RNF180: variants seen among roughly 807,000 people sequenced by gnomAD.
RNF180 encodes the protein ring finger protein 180.
In RNF180, 38 loss-of-function variants were observed where a neutral mutation model predicts 59.2. The observed-to-expected ratio is 0.64, with a 90% CI of 0.50 to 0.84. The LOEUF (loss-of-function observed/expected upper bound fraction) is 0.84, where lower values mean the gene tolerates loss of function less well. Ranked by LOEUF, RNF180 falls within the 40% of genes least tolerant of loss-of-function variation. The pLI, the probability that RNF180 is intolerant of heterozygous loss-of-function variation, is 0.00. For missense variants in RNF180, 705 were observed against 700.9 expected (o/e 1.01, Z -0.07); for synonymous variants, 262 against 240.3 (o/e 1.09, Z -0.84).
intron 7 of RNF180, among the ~76,000 whole-genome samples, chr5:64,353,632 G>A (rs571192124): frequency 2.6e-5 from 4 of 151,782 alleles, no homozygotes; most frequent in African/African-American, 9.6e-5. Flanking sequence ...AAGTATTATA[G>A]CCCTATTAAC....
intron 7 of RNF180, among the ~76,000 whole-genome samples, chr5:64,369,226 C>T (rs925486625): frequency 2.0e-5 from 3 of 151,872 alleles, no homozygotes; most frequent in Admixed American, 1.3e-4. Flanking sequence ...AACCAAACAC[C>T]GCATGTTCTC....
chr5:64,192,933 A>ATG (rs1751254198), intron 1 of RNF180, among the ~76,000 whole-genome samples: 1 of 140,434 alleles, frequency 7.1e-6, no homozygotes, highest in Non-Finnish European at 1.5e-5. Context: ...ATATATATAT[A>ATG]TATATAAAAT....
chr5:64,291,785 A>G (rs1002090552), intron 5 of RNF180, among the ~76,000 whole-genome samples: 1 of 151,986 alleles, frequency 6.6e-6, no homozygotes, highest in African/African-American at 2.4e-5. Context: ...TACCCAAATC[A>G]GTTGTAGGTT....
At chr5:64,224,881 G>C (rs746071455) in intron 5 of RNF180, among the ~76,000 whole-genome samples, 2 of 152,168 alleles carry the variant, frequency 1.3e-5, no homozygotes, top group African/African-American at 4.8e-5. Context: ...TACAGTGTTC[G>C]GCTAGCTTGC....
At chr5:64,184,476 T>A (rs752177952) in intron 1 of RNF180, among the ~76,000 whole-genome samples, 3 of 152,232 alleles carry the variant, frequency 2.0e-5, no homozygotes, top group African/African-American at 7.2e-5. Context: ...CTTCATTTTT[T>A]AGCACTGTGC....
intron 5 of RNF180, among the ~76,000 whole-genome samples, chr5:64,317,938 A>G (rs766217646): frequency 1.3e-5 from 2 of 152,192 alleles, no homozygotes; most frequent in Admixed American, 6.5e-5. Context: ...ATCTTCTAAC[A>G]CAAAGCCTGT....
chr5:64,366,509 A>T (rs1746452685), intron 7 of RNF180, among the ~76,000 whole-genome samples: 1 of 151,498 alleles, frequency 6.6e-6, no homozygotes, highest in African/African-American at 2.4e-5. Flanking sequence ...AGGTTGGAGG[A>T]GTTCTCGTGG....
At position 64,263,098 on chromosome 5, in the gene RNF180, G is replaced by A. The variant is rs2968297; in HGVS notation, c.1227+45702G>A. On this transcript the variant is annotated intron_variant, in intron 5 of 7. Transcript: ENST00000389100. ...TGTGATACTGAATAAGTCACTTGTC[G>A]GAGAATGAGTTTCCTTGAAGGGAGC... Among the ~76,000 whole-genome samples, 1,339 of 152,278 alleles carry A rather than the reference G, an allele frequency of 8.8e-3. 6 individuals carry two copies. Among genetic ancestry groups the A allele is most frequent in the Non-Finnish European group, 0.013 (888 of 68,018 alleles).
At chr5:64,360,585 G>T (rs60279043) in intron 7 of RNF180, among the ~76,000 whole-genome samples, 1,890 of 151,798 alleles carry the variant, frequency 0.012, 87 homozygotes, top group East Asian at 0.1. Context: ...AGGAAATAAA[G>T]GGTATTCAAT....
chr5:64,267,718 A>G (rs1428561071), intron 5 of RNF180, among the ~76,000 whole-genome samples: 1 of 152,178 alleles, frequency 6.6e-6, no homozygotes. Flanking sequence ...AGTTTTTAAA[A>G]TATTAAAACT....
chr5:64,243,339 A>G (rs756721093), intron 5 of RNF180, among the ~76,000 whole-genome samples: 3 of 152,236 alleles, frequency 2.0e-5, no homozygotes, highest in East Asian at 1.9e-4. Context: ...CACTGGCTCA[A>G]AATTATTGCT....
At chr5:64,368,209 T>C (rs1182570836) in intron 7 of RNF180, among the ~76,000 whole-genome samples, 1 of 151,740 alleles carries the variant, frequency 6.6e-6, no homozygotes, top group Non-Finnish European at 1.5e-5. Context: ...ATTATGTCTG[T>C]CTAGTTTATT....
chr5:64,329,538 A>G (rs1175298175), intron 6 of RNF180, among the ~76,000 whole-genome samples: 2 of 149,506 alleles, frequency 1.3e-5, no homozygotes, highest in African/African-American at 4.9e-5. Context: ...GCTCACTGCA[A>G]CCTCCACTTC....
At chr5:64,318,609 C>T (rs1042765258) in intron 5 of RNF180, among the ~76,000 whole-genome samples, 2 of 152,014 alleles carry the variant, frequency 1.3e-5, no homozygotes, top group Non-Finnish European at 2.9e-5. Context: ...TTTATACATA[C>T]TTTTTTAGAC....
chr5:64,310,518 A>G (rs191575088), intron 5 of RNF180, among the ~76,000 whole-genome samples: 2,230 of 146,938 alleles, frequency 0.015, 30 homozygotes, highest in Middle Eastern at 0.039. Context: ...TACTTTTGCA[A>G]AAAAAAAAAA....
intron 1 of RNF180, among the ~76,000 whole-genome samples, chr5:64,181,708 C>T (rs1043958035): frequency 8.5e-5 from 13 of 152,078 alleles, no homozygotes; most frequent in Admixed American, 5.2e-4. Flanking sequence ...TCTGTAATCT[C>T]GCTGTGTGTA....
chr5:64,366,704 A>G (rs1746462775), intron 7 of RNF180, among the ~76,000 whole-genome samples: 1 of 151,686 alleles, frequency 6.6e-6, no homozygotes, highest in African/African-American at 2.4e-5. Flanking sequence ...AAGAATTTTA[A>G]AAGGATGAAC....
chr5:64,285,898 C>T (rs1742259418), intron 5 of RNF180, among the ~76,000 whole-genome samples: 1 of 152,162 alleles, frequency 6.6e-6, no homozygotes, highest in Non-Finnish European at 1.5e-5. Flanking sequence ...CTGCCCCTGC[C>T]ATCTCTCTAA....
At chr5:64,238,793 C>T (rs938255388) in intron 5 of RNF180, among the ~76,000 whole-genome samples, 10 of 152,070 alleles carry the variant, frequency 6.6e-5, no homozygotes, top group African/African-American at 1.2e-4. Flanking sequence ...TACCTTTACA[C>T]GCTGTTGATT....
Sources: gnomAD v4.1 joint callset for allele counts (sites outside exome capture counted in the v4.1 genomes callset) on GRCh38, gnomAD v4.1.1 for gene constraint, MANE v1.5 for transcripts, NCBI Gene and HGNC (gene_info 2026-07-23, HGNC 2026-07-21) for gene names.